The following PTPRD variants were observed in gnomAD, a reference collection of about 807,000 sequenced individuals.
PTPRD encodes receptor-type tyrosine-protein phosphatase delta.
PTPRD carries 34 observed loss-of-function variants against 214.5 expected under a neutral mutation model. The observed-to-expected ratio is 0.16, with a 90% CI of 0.12 to 0.21. The LOEUF (loss-of-function observed/expected upper bound fraction) is 0.21. Among genes scored for constraint, PTPRD ranks in the 10% least tolerant of loss-of-function variants. The pLI, the probability that PTPRD is intolerant of heterozygous loss-of-function variation, is 1.00. For synonymous variants in PTPRD, 1,128 were observed against 845.7 expected (o/e 1.33, Z -5.79); for missense variants, 2,545 against 2,398.7 (o/e 1.06, Z -1.27).
At chr9:9,848,258 A>G (rs1053716133) in intron 5 of PTPRD, among the ~76,000 whole-genome samples, 1 of 152,122 alleles carries the variant, frequency 6.6e-6, no homozygotes, top group Non-Finnish European at 1.5e-5. Context: ...TGCTTCTGTT[A>G]TGTTCATTTA....
chr9:8,816,217 C>T (rs141618155), intron 11 of PTPRD, among the ~76,000 whole-genome samples: 8 of 152,254 alleles, frequency 5.3e-5, no homozygotes, highest in African/African-American at 1.9e-4. Flanking sequence ...CCATAACAGA[C>T]ATTAGCTTTA....
chr9:9,632,880 T>C (rs2095636988), intron 7 of PTPRD, among the ~76,000 whole-genome samples: 1 of 152,112 alleles, frequency 6.6e-6, no homozygotes, highest in Non-Finnish European at 1.5e-5. Flanking sequence ...CAAGGAAGAA[T>C]TGTTAGGTTT....
chr9:9,275,464 G>A (rs1042049005), intron 9 of PTPRD, among the ~76,000 whole-genome samples: 1 of 150,574 alleles, frequency 6.6e-6, no homozygotes, highest in African/African-American at 2.4e-5. Flanking sequence ...ACCCGAAGAG[G>A]GTGAAACTAT....
rs2097451302 is a variant in PTPRD at position 8,503,132 on chromosome 9, C to A, written c.1822+1129G>T. ...TCCTAATCATTTTCATGTGAATAAT[C>A]ATGCTTTAAAGAGGGAAAAACATAA... On this transcript the variant is annotated intron_variant, in intron 23 of 45. Coordinates refer to ENST00000381196, the MANE Select transcript of PTPRD (RefSeq NM_002839.4). 2.0e-5 allele frequency among the ~76,000 whole-genome samples: 3 copies of A among 151,830 alleles called. No individual in the cohort carries two copies. In the East Asian group the frequency reaches 5.8e-4, roughly 29 times the overall value.
At chr9:10,390,820 T>TA (rs1224740942) in intron 2 of PTPRD, among the ~76,000 whole-genome samples, 2 of 151,796 alleles carry the variant, frequency 1.3e-5, no homozygotes, top group Non-Finnish European at 2.9e-5. Context: ...GACTTGAGCC[T>TA]AAACTTATTT....
chr9:10,104,673 T>G (rs2098606067), intron 3 of PTPRD, among the ~76,000 whole-genome samples: 1 of 151,890 alleles, frequency 6.6e-6, no homozygotes, highest in Non-Finnish European at 1.5e-5. Context: ...AAAACGCCAG[T>G]ACTTATAAAC....
chr9:8,635,933 G>T (rs1053373856), intron 13 of PTPRD, among the ~76,000 whole-genome samples: 3 of 152,090 alleles, frequency 2.0e-5, no homozygotes, highest in African/African-American at 7.2e-5. Context: ...CTCAAAAAAA[G>T]AATCTTTGAT....
chr9:9,190,094 G>A (rs2099934179), intron 9 of PTPRD, among the ~76,000 whole-genome samples: 1 of 152,072 alleles, frequency 6.6e-6, no homozygotes, highest in Non-Finnish European at 1.5e-5. Context: ...TTCATGTGTT[G>A]GAAACTTAAT....
At chr9:10,115,146 AG>A (rs1306320114) in intron 3 of PTPRD, among the ~76,000 whole-genome samples, 1 of 152,070 alleles carries the variant, frequency 6.6e-6, no homozygotes, top group Non-Finnish European at 1.5e-5. Context: ...AGGATTAAAA[AG>A]AAAAGACACA....
chr9:9,010,578 C>T (rs1398455448), intron 11 of PTPRD, among the ~76,000 whole-genome samples: 1 of 152,180 alleles, frequency 6.6e-6, no homozygotes, highest in Admixed American at 6.6e-5. Flanking sequence ...TCACATGTTG[C>T]TTTTCTGCAC....
chr9:9,777,568 C>T (rs1295121611), intron 5 of PTPRD, among the ~76,000 whole-genome samples: 2 of 152,096 alleles, frequency 1.3e-5, no homozygotes, highest in African/African-American at 4.8e-5. Context: ...TATGGTGGCA[C>T]ATGCCTGTTG....
intron 7 of PTPRD, among the ~76,000 whole-genome samples, chr9:9,673,974 T>G (rs1320267037): frequency 6.6e-6 from 1 of 151,812 alleles, no homozygotes; most frequent in Non-Finnish European, 1.5e-5. Context: ...TAATGACATT[T>G]ACAGATAAGC....
chr9:8,780,320 T>C (rs1365692070), intron 11 of PTPRD, among the ~76,000 whole-genome samples: 4 of 151,654 alleles, frequency 2.6e-5, no homozygotes, highest in African/African-American at 9.7e-5. Flanking sequence ...TCCCCGAGAG[T>C]AGGTGTAAAC....
chr9:9,290,027 C>G (rs573272546), intron 9 of PTPRD, among the ~76,000 whole-genome samples: 4 of 151,660 alleles, frequency 2.6e-5, no homozygotes, highest in East Asian at 2.0e-4. Flanking sequence ...TTTTGAGGAG[C>G]CTTCATACTG....
chr9:9,992,223 T>A (rs796272066), intron 4 of PTPRD, among the ~76,000 whole-genome samples: 2 of 152,328 alleles, frequency 1.3e-5, no homozygotes, highest in South Asian at 4.1e-4. Context: ...GTGTTTTCAA[T>A]GATTGAACTA....
At chr9:9,838,551 G>C (rs528126988) in intron 5 of PTPRD, among the ~76,000 whole-genome samples, 201 of 152,116 alleles carry the variant, frequency 1.3e-3, no homozygotes, top group African/African-American at 4.7e-3. Context: ...GTGTTTTTTG[G>C]CTGCATAAAT....
chr9:9,823,028 G>T (rs758919238), intron 5 of PTPRD, among the ~76,000 whole-genome samples: 2 of 152,026 alleles, frequency 1.3e-5, no homozygotes, highest in Non-Finnish European at 2.9e-5. Flanking sequence ...CCAATTTATT[G>T]CAGCACTATT....
At position 10,104,840 on chromosome 9, in the gene PTPRD, G is replaced by A. The variant is rs1050106325; in HGVS notation, c.-544-71050C>T. On this transcript the variant is annotated intron_variant, in intron 3 of 45. Transcript: ENST00000381196. ...AGCAACAGCTTTATACTGGTCCTTA[G>A]CATAGACGATGATTTGCTCCTGCCT... Among the ~76,000 whole-genome samples, 55 of 151,974 alleles carry A rather than the reference G, an allele frequency of 3.6e-4. 1 individual carries two copies. The highest frequency in any genetic ancestry group is 3.3e-4 in the Admixed American group (5 of 15,220).
intron 3 of PTPRD, among the ~76,000 whole-genome samples, chr9:10,340,753 C>G (rs1160558415): frequency 1.3e-5 from 2 of 151,832 alleles, no homozygotes; most frequent in African/African-American, 4.8e-5. Context: ...TCAGAAGATT[C>G]CATAATTCAC....
Sources: allele counts gnomAD v4.1 joint callset (sites outside exome capture counted in the v4.1 genomes callset), GRCh38; gene constraint gnomAD v4.1.1; transcripts MANE v1.5; gene names NCBI Gene and HGNC (gene_info 2026-07-23, HGNC 2026-07-21).